INO80: variants seen among roughly 807,000 people sequenced by gnomAD.
INO80 encodes the protein INO80 complex ATPase subunit.
A neutral mutation model predicts 203.4 loss-of-function variants in INO80; 20 were observed. The observed-to-expected ratio is 0.10, with a 90% CI of 0.07 to 0.14. INO80 has a LOEUF of 0.14. Ranked by LOEUF, INO80 falls within the 10% of genes least tolerant of loss-of-function variation. The probability of loss-of-function intolerance (pLI) is 1.00; values close to 1 mark genes in which losing one functional copy is unlikely to be tolerated. For missense variants in INO80, 1,419 were observed against 1,914.4 expected, an observed-to-expected ratio of 0.74 and a Z score of 4.83; for synonymous variants, 726 against 685.2, an observed-to-expected ratio of 1.06 and a Z score of -0.93.
chr15:41,095,651 C>T lies in INO80; in HGVS notation c.331G>A (p.Gly111Arg), dbSNP rs2045712085. The change falls in exon 4 of 36, where the codon GGG (glycine) becomes AGG (arginine). Residue 111 changes from glycine (G) to arginine (R), a missense_variant. Physicochemically the swap from Gly to Arg is moderately radical, Grantham distance 125 (BLOSUM62 -2). Around this residue, in one of 9 missense-constraint regions of INO80, gnomAD observed 323 missense variants for 325.4 expected, o/e 0.99. Coordinates refer to ENST00000648947, the MANE Select transcript of INO80 (RefSeq NM_017553.3). ...AGCTTAGAGAAATTATATAAATTCC[C>T]CTTATCACATTTTGATTCTGTATAA... ...VLQSESKCDK[G>R]NLYNFSKLKK... 6.2e-7 allele frequency: 1 copy of T among 1,610,850 alleles called. No individual in the cohort carries two copies.
Position 41,072,018 on chromosome 15 carries a change from G to A in INO80, c.1436C>T (p.Ala479Val), listed in dbSNP as rs2140596580. 1 of 1,604,416 alleles carries A rather than the reference G, an allele frequency of 6.2e-7. No homozygotes were observed. The highest frequency in any genetic ancestry group is 8.5e-7 in the Non-Finnish European group (1 of 1,177,438). Residue 479 changes from alanine (A) to valine (V), a missense_variant, in exon 12 of 36, where the codon GCT (alanine) becomes GTT (valine). Around this residue, in one of 9 missense-constraint regions of INO80, gnomAD observed 116 missense variants for 119.5 expected, o/e 0.97. Coordinates refer to ENST00000648947, the MANE Select transcript of INO80 (RefSeq NM_017553.3). ...FDEDAKESRA[A>V]ALRAANKSGT... is the part of the protein sequence containing the mutation. ...AGACTTGTTTGCTGCCCGTAGGGCAGCTGCTCGACTTTCTTTTGCATCTTC... is the reference window on the plus strand; with the variant it reads ...AGACTTGTTTGCTGCCCGTAGGGCAACTGCTCGACTTTCTTTTGCATCTTC...
intron 14 of INO80, among the ~76,000 whole-genome samples, chr15:41,060,131 A>T (rs1372039781): frequency 6.6e-6 from 1 of 152,232 alleles, no homozygotes; most frequent in Non-Finnish European, 1.5e-5. Flanking sequence ...TGAAGGCATA[A>T]AACAGCTACT....
chr15:41,072,971 G>A (rs977634276), intron 11 of INO80, among the ~76,000 whole-genome samples: 4 of 151,744 alleles, frequency 2.6e-5, no homozygotes, highest in African/African-American at 9.7e-5. Context: ...AGTAGAGATG[G>A]GGTTTCACCG....
intron 1 of INO80, among the ~76,000 whole-genome samples, chr15:41,105,982 G>C (rs1034596328): frequency 6.6e-6 from 1 of 152,112 alleles, no homozygotes; most frequent in Non-Finnish European, 1.5e-5. Flanking sequence ...CCGGGGCCAG[G>C]TGTGTTGGCT....
chr15:40,982,185 C>T (rs2140404901), intron 35 of INO80, among the ~76,000 whole-genome samples: 2 of 152,328 alleles, frequency 1.3e-5, no homozygotes, highest in Admixed American at 1.3e-4. Flanking sequence ...CTTGCTCTGT[C>T]ACCCATGCTG....
intron 16 of INO80, among the ~76,000 whole-genome samples, chr15:41,058,420 G>T (rs150411234): frequency 1.3e-5 from 2 of 152,238 alleles, no homozygotes; most frequent in African/African-American, 4.8e-5. Context: ...CAACACCTGG[G>T]GAGGCCGATG....
intron 1 of INO80, among the ~76,000 whole-genome samples, chr15:41,101,640 C>T (rs2045809192): frequency 6.6e-6 from 1 of 151,734 alleles, no homozygotes. Context: ...AGCTCCGCCT[C>T]CCAGGTTCAA....
Position 41,085,558 on chromosome 15 carries a change from T to A in INO80, c.684A>T (p.Lys228Asn). The A allele has an allele frequency of 6.2e-7, 1 of 1,614,064 alleles. No homozygotes were observed. The highest frequency in any genetic ancestry group is 1.1e-5 in the South Asian group (1 of 91,088). ...AGGAAAGTTCTTCATCTCTTCGTCT[T>A]TTTTTCTTCACTTTTTTCAACTTAG... ...LKAKLKKVKK[K>N]RRRDEELSSE... The change falls in exon 7 of 36, where the codon AAA becomes AAT. Residue 228 changes from lysine to asparagine, a missense_variant. Lys to Asn is a moderately conservative substitution (Grantham distance 94, BLOSUM62 0). Coordinates refer to ENST00000648947, the MANE Select transcript of INO80 (RefSeq NM_017553.3).
At chr15:41,062,293 C>G (rs2045126499) in intron 14 of INO80, among the ~76,000 whole-genome samples, 1 of 151,932 alleles carries the variant, frequency 6.6e-6, no homozygotes, top group South Asian at 2.1e-4. Context: ...AGTTTTTCCC[C>G]CAGATTATCT....
chr15:41,088,755 G>C (rs1159924696), intron 5 of INO80, among the ~76,000 whole-genome samples: 1 of 152,184 alleles, frequency 6.6e-6, no homozygotes, highest in African/African-American at 2.4e-5. Flanking sequence ...AAATAAGACT[G>C]AAAGATTAAC....
chr15:41,052,578 T>A lies in INO80; in HGVS notation c.2274+1351A>T, dbSNP rs148471360. 1.8e-4 allele frequency among the ~76,000 whole-genome samples: 25 copies of A among 141,316 alleles called. No individual in the cohort carries two copies. The East Asian group carries it at 5.2e-3, about 29-fold the overall frequency. 92.7% of individuals were successfully genotyped at this position (141,316 alleles called of 152,430 possible). ...GACCCAGCTACTAGGGAAGCTGAGGTGGGAGGACTGCTTGAGCCAAGGAGG... is the reference window on the plus strand; with the variant it reads ...GACCCAGCTACTAGGGAAGCTGAGGAGGGAGGACTGCTTGAGCCAAGGAGG... On this transcript the variant is annotated intron_variant, in intron 19 of 35. Transcript: ENST00000648947.
chr15:41,038,769 C>T (rs138313273), intron 24 of INO80, among the ~76,000 whole-genome samples: 2 of 152,308 alleles, frequency 1.3e-5, no homozygotes, highest in African/African-American at 4.8e-5. Flanking sequence ...GGATTGCTGC[C>T]TCCATTCTTC....
At position 40,980,484 on chromosome 15, in the gene INO80, G is replaced by A. The variant is rs60896443; in HGVS notation, c.4454-44C>T. 1.6e-4 allele frequency: 236 copies of A among 1,469,642 alleles called. 1 individual carries two copies. The Admixed American group carries it at 2.7e-3, about 17-fold the overall frequency. 91.0% of individuals were successfully genotyped at this position (1,469,642 alleles called of 1,614,324 possible). A position where few individuals can be genotyped will look rare whatever the true frequency, so the allele number is the denominator to read the frequency against. ...ACAAGAACGTAAGCACCAGTCCCGC[G>A]TAAGCTTCCTTGGAGCCTGTGGCCT... On this transcript the variant is annotated intron_variant, in intron 35 of 35. Coordinates refer to ENST00000648947, the MANE Select transcript of INO80 (RefSeq NM_017553.3).
intron 29 of INO80, among the ~76,000 whole-genome samples, chr15:40,991,125 C>T (rs1171031020): frequency 1.3e-5 from 2 of 152,144 alleles, no homozygotes; most frequent in Admixed American, 1.3e-4. Context: ...CCTGATTCAA[C>T]TTGTGTTCTT....
At chr15:41,024,808 G>C (rs1474338790) in intron 25 of INO80, among the ~76,000 whole-genome samples, 2 of 152,140 alleles carry the variant, frequency 1.3e-5, no homozygotes, top group African/African-American at 4.8e-5. Flanking sequence ...TCAAGGCCAG[G>C]GTTGGCTTCA....
intron 5 of INO80, among the ~76,000 whole-genome samples, chr15:41,090,633 G>T (rs2045623646): frequency 6.6e-6 from 1 of 152,118 alleles, no homozygotes; most frequent in African/African-American, 2.4e-5. Flanking sequence ...GGGACAGAAA[G>T]AATGAGGGGC....
At chr15:41,049,828 G>C in intron 20 of INO80, 107 bp downstream of exon 20, 3 of 1,017,542 alleles carry the variant, frequency 2.9e-6, no homozygotes, top group Non-Finnish European at 4.4e-6. Context: ...AGAGGTTGCA[G>C]TGAGCCGAAA....
In INO80 at chr15:41,022,427, G is replaced by A. The variant is rs56026799; in HGVS notation, c.3049-1302C>T. Among the ~76,000 whole-genome samples, 192 of 152,242 alleles carry A rather than the reference G, an allele frequency of 1.3e-3. 1 individual carries two copies. The highest frequency in any genetic ancestry group is 1.8e-3 in the African/African-American group (75 of 41,540). ...TACACATAAGGACCTCCTTTGAAGC[G>A]GACCAAAAGTGTAGATTTTGAACCA... On this transcript the variant is annotated intron_variant, in intron 25 of 35. Coordinates refer to ENST00000648947, the MANE Select transcript of INO80 (RefSeq NM_017553.3).
rs1434912866 is a variant in INO80, at chr15:40,984,219, G to A, written c.4055C>T (p.Ala1352Val). The A allele has an allele frequency of 6.2e-7, 1 of 1,613,490 alleles. No individual in the cohort carries two copies. The highest frequency in any genetic ancestry group is 8.5e-7 in the Non-Finnish European group (1 of 1,179,720). Residue 1352 changes from alanine (A) to valine (V), a missense_variant, in exon 33 of 36, where the codon GCC (alanine) becomes GTC (valine). By Grantham distance (64) the Ala-to-Val change is moderately conservative. Transcript: ENST00000648947. ...GDDSFISVDS[A>V]MPSPFSEISI... The stretch of plus-strand genomic sequence containing the variant: ...CACCTCACTGAAAGGGCTTGGCATG[G>A]CTGAGTCCACGCTAATGAAGGAGTC...
Sources: gnomAD v4.1 joint callset for allele counts (sites outside exome capture counted in the v4.1 genomes callset) on GRCh38, gnomAD v4.1.1 for gene constraint, gnomAD v4.1.1 regional missense constraint, MANE v1.5 for transcripts, NCBI Gene and HGNC (gene_info 2026-07-23, HGNC 2026-07-21) for gene names.